Variants in NIM1K observed in about 807,000 individuals in gnomAD.
NIM1K encodes the protein NIM1 serine/threonine protein kinase.
NIM1K carries 35 observed loss-of-function variants against 37.1 expected under a neutral mutation model. That is an observed-to-expected ratio of 0.94 (90% CI 0.72 to 1.25). NIM1K has a LOEUF of 1.25. NIM1K is among the 50% of genes most tolerant of loss of function. The probability of loss-of-function intolerance (pLI) is 0.00; values close to 1 mark genes in which losing one functional copy is unlikely to be tolerated. For synonymous variants in NIM1K, 234 were observed against 206.6 expected, an observed-to-expected ratio of 1.13 and a Z score of -1.14; for missense variants, 564 against 548.0, an observed-to-expected ratio of 1.03 and a Z score of -0.29.
intron 2 of NIM1K, among the ~76,000 whole-genome samples, chr5:43,270,147 C>G (rs762302231): frequency 2.0e-5 from 3 of 152,176 alleles, no homozygotes; most frequent in Non-Finnish European, 4.4e-5. Context: ...TTGACTGACA[C>G]TTATTCTGTT....
intron 2 of NIM1K, among the ~76,000 whole-genome samples, chr5:43,255,369 C>G (rs1408773431): frequency 6.6e-6 from 1 of 152,144 alleles, no homozygotes; most frequent in Non-Finnish European, 1.5e-5. Flanking sequence ...AATCTCTGTC[C>G]TTATGGAACT....
chr5:43,272,574 G>T (rs1753273423), intron 2 of NIM1K, among the ~76,000 whole-genome samples: 1 of 152,076 alleles, frequency 6.6e-6, no homozygotes, highest in South Asian at 2.1e-4. Flanking sequence ...GCCCCTCACG[G>T]TAAGGCTGAC....
chr5:43,272,739 G>T (rs1753276223), intron 2 of NIM1K, among the ~76,000 whole-genome samples: 1 of 152,026 alleles, frequency 6.6e-6, no homozygotes, highest in Non-Finnish European at 1.5e-5. Context: ...TGAATTAGTT[G>T]TTGATACTTA....
chr5:43,269,184 C>T (rs941546654), intron 2 of NIM1K, among the ~76,000 whole-genome samples: 5 of 148,486 alleles, frequency 3.4e-5, no homozygotes, highest in African/African-American at 7.5e-5. Context: ...GGTGGGGGCA[C>T]CTGTAATCCC....
chr5:43,279,954 A>G, intron 3 of NIM1K, 26 bp from the exon 4 acceptor site: 1 of 1,575,014 alleles, frequency 6.3e-7, no homozygotes, highest in Non-Finnish European at 8.7e-7. Context: ...TGTAAAAATG[A>G]CTTTTCTCTA....
chr5:43,220,888 G>C (rs996751255), intron 1 of NIM1K, among the ~76,000 whole-genome samples: 13 of 152,124 alleles, frequency 8.5e-5, no homozygotes, highest in Non-Finnish European at 1.3e-4. Flanking sequence ...GCATAGGGGG[G>C]ACATGAGAGA....
intron 2 of NIM1K, among the ~76,000 whole-genome samples, chr5:43,269,390 C>T (rs368007819): frequency 2.0e-5 from 3 of 151,710 alleles, no homozygotes; most frequent in South Asian, 2.1e-4. Flanking sequence ...TTTTCCCACC[C>T]CTTTACCTTG....
chr5:43,244,350 A>G (rs1206961884), intron 1 of NIM1K, among the ~76,000 whole-genome samples: 2 of 152,270 alleles, frequency 1.3e-5, no homozygotes, highest in African/African-American at 4.8e-5. Flanking sequence ...AGTCAAAACC[A>G]GTTCCCACCT....
rs183444868 is a variant in NIM1K at position 43,264,316 on chromosome 5, G to A, written c.293-12741G>A. ...GAATCTGGGTGCTCTTTTATTGGAT[G>A]CGTATATGTTTAGGATAGTTAGCTC... On this transcript the variant is annotated intron_variant, in intron 2 of 3. Transcript: ENST00000326035. 1.4e-3 allele frequency among the ~76,000 whole-genome samples: 207 copies of A among 152,284 alleles called. No individual in the cohort carries two copies. In the Middle Eastern group the frequency reaches 0.017, roughly 13 times the overall value.
At chr5:43,253,464 G>A (rs1463241928) in intron 2 of NIM1K, among the ~76,000 whole-genome samples, 2 of 151,896 alleles carry the variant, frequency 1.3e-5, no homozygotes, top group Non-Finnish European at 1.5e-5. Flanking sequence ...ACTCCAGAAA[G>A]AGAGATAGGA....
chr5:43,220,324 C>T (rs1349856047), intron 1 of NIM1K, among the ~76,000 whole-genome samples: 1 of 137,180 alleles, frequency 7.3e-6, no homozygotes, highest in Non-Finnish European at 1.5e-5. Context: ...GATGGAGTCT[C>T]ACCCAGGCTA....
intron 1 of NIM1K, among the ~76,000 whole-genome samples, chr5:43,227,112 G>C (rs890975726): frequency 3.9e-5 from 6 of 152,302 alleles, no homozygotes; most frequent in African/African-American, 1.4e-4. Flanking sequence ...TGTAATCCCA[G>C]CACTTTGAGA....
chr5:43,232,402 G>A, intron 1 of NIM1K: 1 of 1,433,118 alleles, frequency 7.0e-7, no homozygotes, highest in Admixed American at 1.7e-5. Context: ...CCACCAGCTT[G>A]GTCTGGAATT....
At chr5:43,217,311 A>G (rs10805669) in intron 1 of NIM1K, among the ~76,000 whole-genome samples, 148,861 of 152,290 alleles carry the variant, frequency 0.98, 72,844 homozygotes, top group Middle Eastern at 1. Flanking sequence ...CTTCATTTCT[A>G]TTTATTACTG....
intron 1 of NIM1K, among the ~76,000 whole-genome samples, chr5:43,193,972 G>T (rs1049045183): frequency 1.3e-5 from 2 of 152,140 alleles, no homozygotes; most frequent in Non-Finnish European, 2.9e-5. Flanking sequence ...AAATCCCAAG[G>T]CATGTTGTTG....
intron 1 of NIM1K, among the ~76,000 whole-genome samples, chr5:43,229,727 C>T (rs1445483027): frequency 6.6e-6 from 1 of 151,424 alleles, no homozygotes; most frequent in Non-Finnish European, 1.5e-5. Flanking sequence ...ACTTCTGCCT[C>T]CTGAGTTCAA....
chr5:43,267,108 C>A (rs1325947929), intron 2 of NIM1K, among the ~76,000 whole-genome samples: 5 of 152,142 alleles, frequency 3.3e-5, no homozygotes, highest in African/African-American at 7.2e-5. Flanking sequence ...CAATTTCAAT[C>A]AGTAAATTTT....
chr5:43,206,597 A>C, intron 1 of NIM1K: 1 of 586,854 alleles, frequency 1.7e-6, no homozygotes, highest in South Asian at 1.9e-5. Context: ...GAAACGAGCA[A>C]GTGCTAGTCC....
In NIM1K at chr5:43,270,529, T is replaced by G. The variant is rs1464889864; in HGVS notation, c.293-6528T>G. On this transcript the variant is annotated intron_variant, in intron 2 of 3. Transcript: ENST00000326035. ...AGGAAGCAAGGTTACCAGCTGTGAATGAGGAGTGGAAGAAGGCATTAGAGA... is the reference window on the plus strand; with the variant it reads ...AGGAAGCAAGGTTACCAGCTGTGAAGGAGGAGTGGAAGAAGGCATTAGAGA... Among the ~76,000 whole-genome samples the G allele has an allele frequency of 2.6e-5, 4 of 152,120 alleles. 1 individual carries two copies. Among genetic ancestry groups the G allele is most frequent in the Admixed American group, 2.6e-4 (4 of 15,278 alleles).
Sources: gnomAD v4.1 joint callset for allele counts (sites outside exome capture counted in the v4.1 genomes callset) on GRCh38, gnomAD v4.1.1 for gene constraint, MANE v1.5 for transcripts, NCBI Gene and HGNC (gene_info 2026-07-23, HGNC 2026-07-21) for gene names.